Variants in SLC28A1 observed in about 807,000 individuals in gnomAD.
The protein encoded by SLC28A1 is sodium/nucleoside cotransporter 1.
SLC28A1 carries 64 observed loss-of-function variants against 74.8 expected under a neutral mutation model. That is an observed-to-expected ratio of 0.86 (90% confidence interval 0.70 to 1.05). The LOEUF is 1.05. Ranked by LOEUF, SLC28A1 falls within the 50% of genes least tolerant of loss-of-function variation. The probability of loss-of-function intolerance (pLI) is 0.00; values close to 1 mark genes in which losing one functional copy is unlikely to be tolerated. For missense variants in SLC28A1, 828 were observed against 822.8 expected, an observed-to-expected ratio of 1.01 and a Z score of -0.08; for synonymous variants, 359 against 335.0, an observed-to-expected ratio of 1.07 and a Z score of -0.78.
intron 9 of SLC28A1, among the ~76,000 whole-genome samples, chr15:84,911,417 T>A (rs4980348): frequency 0.34 from 52,294 of 151,880 alleles, 9,169 homozygotes; most frequent in East Asian, 0.46. Context: ...AATGGCACAG[T>A]GAGTTGGCGC....
In SLC28A1 at chr15:84,934,520, C is replaced by T. The variant is rs898212174; in HGVS notation, c.1215-506C>T. The stretch of plus-strand genomic sequence containing the variant: ...ATTGGACACATGTGCTTGGGCACAG[C>T]GGATGACCCCAACCTCACAACTTTC... On this transcript the variant is annotated intron_variant, in intron 13 of 18. Transcript: ENST00000394573. Among the ~76,000 whole-genome samples, 10 of 152,310 alleles carry T rather than the reference C, an allele frequency of 6.6e-5. No homozygotes were observed. The South Asian group carries it at 1.9e-3, about 28-fold the overall frequency.
chr15:84,941,439 T>C (rs1284992608), intron 15 of SLC28A1, among the ~76,000 whole-genome samples: 1 of 152,084 alleles, frequency 6.6e-6, no homozygotes, highest in Non-Finnish European at 1.5e-5. Context: ...TCTCCTGAAC[T>C]TGTGATCTGC....
chr15:84,917,100 T>C (rs1160751455), intron 9 of SLC28A1, among the ~76,000 whole-genome samples: 2 of 150,832 alleles, frequency 1.3e-5, no homozygotes, highest in Middle Eastern at 3.2e-3. Context: ...GAAAACAACA[T>C]TTCCATAGCC....
chr15:84,971,123 C>T, the SLC28A1 span, among the ~76,000 whole-genome samples: 1 of 152,194 alleles, frequency 6.6e-6, no homozygotes. Flanking sequence ...ACAGTAGCAA[C>T]CCCTATCAGG....
At chr15:84,894,530 G>A (rs1545472) in intron 5 of SLC28A1, among the ~76,000 whole-genome samples, 72,613 of 151,972 alleles carry the variant, frequency 0.48, 18,117 homozygotes, top group East Asian at 0.73. Context: ...ATTTCAGAAC[G>A]CAGTCCGAGC....
rs17222428 is a variant in SLC28A1 at position 84,945,225 on chromosome 15, C to T, written c.*25C>T. 23 of 1,607,068 alleles carry T rather than the reference C, an allele frequency of 1.4e-5. No homozygotes were observed. Among genetic ancestry groups the T allele is most frequent in the African/African-American group, 1.3e-4 (10 of 74,738 alleles). ...AGGACAGAACATGCTTGTGCTTCTG[C>T]GCTTCTGAGGGCTGTTCTCCCCCGG... On this transcript the variant is annotated 3_prime_UTR_variant, in exon 19 of 19. Coordinates refer to ENST00000394573, the MANE Select transcript of SLC28A1 (RefSeq NM_004213.5).
chr15:84,938,135 G>A (rs745390288), intron 15 of SLC28A1, among the ~76,000 whole-genome samples: 1 of 151,486 alleles, frequency 6.6e-6, no homozygotes, highest in Admixed American at 6.6e-5. Context: ...AGGAGGGGGA[G>A]GTTGCAGTGA....
chr15:84,905,456 A>G (rs1966935651), intron 7 of SLC28A1, 83 bp from the exon 8 acceptor site: 2 of 943,240 alleles, frequency 2.1e-6, no homozygotes, highest in Non-Finnish European at 3.5e-6. Context: ...GGGCAGGGCA[A>G]TGCCCCCTGC....
Position 84,890,553 on chromosome 15 carries a change from A to G in SLC28A1, c.277+19A>G, listed in dbSNP as rs762405669. The stretch of plus-strand genomic sequence containing the variant: ...TGCACTGGTGAGCCTGGGGCCCAGC[A>G]CTACCCAGGACACAATGACTCCTGC... On this transcript the variant is annotated intron_variant, in intron 5 of 18. Transcript: ENST00000394573. 18 of 1,580,198 alleles carry G rather than the reference A, an allele frequency of 1.1e-5. No individual in the cohort carries two copies. Among genetic ancestry groups the G allele is most frequent in the Middle Eastern group, 1.8e-4 (1 of 5,690 alleles).
intron 12 of SLC28A1, among the ~76,000 whole-genome samples, chr15:84,932,584 A>C (rs528938461): frequency 6.6e-6 from 1 of 152,352 alleles, no homozygotes; most frequent in African/African-American, 2.4e-5. Context: ...AAGCATTCAA[A>C]GAGAGAGCCT....
chr15:84,935,945 G>GTTTTTTT (rs1491147464), intron 15 of SLC28A1, among the ~76,000 whole-genome samples: 1 of 85,926 alleles, frequency 1.2e-5, no homozygotes, highest in African/African-American at 4.4e-5. Context: ...TTTTGGTTTG[G>GTTTTTTT]TTTTTGTTTT....
chr15:84,903,766 T>G (rs923351829), intron 6 of SLC28A1, among the ~76,000 whole-genome samples: 2 of 152,194 alleles, frequency 1.3e-5, no homozygotes, highest in Non-Finnish European at 2.9e-5. Flanking sequence ...TGTAGCTGGA[T>G]GGAGCCAGGT....
At chr15:84,926,105 ATTT>A (rs1364022835) in intron 12 of SLC28A1, among the ~76,000 whole-genome samples, 1 of 147,498 alleles carries the variant, frequency 6.8e-6, no homozygotes. Context: ...ATCACTTTTA[ATTT>A]TTTTATTTAT....
intron 6 of SLC28A1, 174 bp downstream of exon 6, chr15:84,895,297 G>C: frequency 6.3e-7 from 1 of 1,595,588 alleles, no homozygotes; most frequent in Admixed American, 1.7e-5. Context: ...CATCTTTGTG[G>C]TGTTTCACCA....
At chr15:84,891,048 C>A (rs1965313831) in intron 5 of SLC28A1, among the ~76,000 whole-genome samples, 1 of 152,070 alleles carries the variant, frequency 6.6e-6, no homozygotes, top group Non-Finnish European at 1.5e-5. Flanking sequence ...TAGGAAAGGG[C>A]CCAGGATGGG....
At chr15:84,894,849 G>C (rs1965772273) in intron 5 of SLC28A1, 91 bp from the exon 6 acceptor site, 6 of 1,256,870 alleles carry the variant, frequency 4.8e-6, no homozygotes, top group Non-Finnish European at 7.0e-6. Flanking sequence ...CCACGCTCTG[G>C]GTGGAGTAAG....
the SLC28A1 span, among the ~76,000 whole-genome samples, chr15:84,963,634 C>A: frequency 6.6e-6 from 1 of 152,168 alleles, no homozygotes; most frequent in South Asian, 2.1e-4. Context: ...GCTGCCCCCC[C>A]GAGCCTGTCT....
intron 4 of SLC28A1, among the ~76,000 whole-genome samples, chr15:84,889,085 A>T (rs184320677): frequency 6.6e-6 from 1 of 152,294 alleles, no homozygotes; most frequent in East Asian, 1.9e-4. Flanking sequence ...AAATCCCATC[A>T]GGAACCCCAG....
At chr15:84,886,386 G>C (rs569194874) in intron 1 of SLC28A1, 6 of 978,742 alleles carry the variant, frequency 6.1e-6, no homozygotes, top group Admixed American at 6.1e-5. Context: ...AAGGAAGGAG[G>C]GGGAGGGAAA....
Sources: gnomAD v4.1 joint callset for allele counts (sites outside exome capture counted in the v4.1 genomes callset) on GRCh38, gnomAD v4.1.1 for gene constraint, MANE v1.5 for transcripts, NCBI Gene and HGNC (gene_info 2026-07-23, HGNC 2026-07-21) for gene names.